The following UBE2E1 variants were observed in gnomAD, a reference collection of about 807,000 sequenced individuals.
UBE2E1 encodes the protein ubiquitin-conjugating enzyme E2 E1.
A neutral mutation model predicts 21.4 loss-of-function variants in UBE2E1; 6 were observed. The ratio of observed to expected loss-of-function variants is 0.28; its 90% CI spans 0.15 to 0.55. The LOEUF (loss-of-function observed/expected upper bound fraction) is 0.55, where lower values mean the gene tolerates loss of function less well. Ranked by LOEUF, UBE2E1 falls within the 20% of genes least tolerant of loss-of-function variation. The pLI is 0.93. For missense variants in UBE2E1, 142 were observed against 236.5 expected (o/e 0.60, Z 2.62); for synonymous variants, 87 against 82.7 (o/e 1.05, Z -0.28).
At chr3:23,865,278 C>T (rs559119920) in intron 3 of UBE2E1, among the ~76,000 whole-genome samples, 2 of 152,268 alleles carry the variant, frequency 1.3e-5, no homozygotes, top group South Asian at 4.1e-4. Flanking sequence ...AGTTCTCTAG[C>T]CCTTTTCTTA....
chr3:23,845,587 C>CTGTGTGTGTGTGTGTGTG (rs372552220), intron 3 of UBE2E1, among the ~76,000 whole-genome samples: 1,597 of 115,182 alleles, frequency 0.014, 29 homozygotes, highest in Admixed American at 0.051. Context: ...CTCTCTCTCT[C>CTGTGTGTGTGTGTGTGTG]TCTGTGTGTG....
At chr3:23,827,301 A>G (rs544025168) in intron 3 of UBE2E1, among the ~76,000 whole-genome samples, 1 of 152,266 alleles carries the variant, frequency 6.6e-6, no homozygotes, top group South Asian at 2.1e-4. Context: ...CATTCACTTT[A>G]TACAGAATAA....
chr3:23,831,372 C>G (rs1266799079), intron 3 of UBE2E1, among the ~76,000 whole-genome samples: 1 of 152,088 alleles, frequency 6.6e-6, no homozygotes, highest in East Asian at 1.9e-4. Flanking sequence ...TACTTTTGGC[C>G]AGTTGTAAAA....
At position 23,836,937 on chromosome 3, in the gene UBE2E1, A is replaced by G. The variant is rs1278925724; in HGVS notation, c.203+25427A>G. On this transcript the variant is annotated intron_variant, in intron 3 of 5. Coordinates refer to ENST00000306627, the MANE Select transcript of UBE2E1 (RefSeq NM_003341.5). The surrounding 1 kb of genome is among the most constrained non-coding windows in gnomAD (Gnocchi z 4.1). ...GTAGTTTATGGTCTATCATGAAAAG[A>G]TGGGCAATTTGGGAAATCTGTGGCT... Among the ~76,000 whole-genome samples, 1 of 152,218 alleles carries G rather than the reference A, an allele frequency of 6.6e-6. No individual in the cohort carries two copies.
At chr3:23,880,855 CAGTT>C (rs1177292372) in intron 3 of UBE2E1, among the ~76,000 whole-genome samples, 1 of 152,154 alleles carries the variant, frequency 6.6e-6, no homozygotes, top group Non-Finnish European at 1.5e-5. Context: ...CAGTCTTTGA[CAGTT>C]GGTTTGTTAA....
chr3:23,845,589 C>CTCTCTCTCTCTCTCTCTCTG lies in UBE2E1; in HGVS notation c.203+34080_203+34081insCTCTCTCTCTCTCTCTCTGT, dbSNP rs1553637998. Among the ~76,000 whole-genome samples, 11 of 121,356 alleles carry CTCTCTCTCTCTCTCTCTCTG rather than the reference C, an allele frequency of 9.1e-5. No homozygotes were observed. In the East Asian group the frequency reaches 1.6e-3, roughly 18 times the overall value. The allele number at this position is 121,356 out of a possible 152,430, so 79.6% of individuals were successfully genotyped here. A position where few individuals can be genotyped will look rare whatever the true frequency, so the allele number is the denominator to read the frequency against. On this transcript the variant is annotated intron_variant, in intron 3 of 5. Coordinates refer to ENST00000306627, the MANE Select transcript of UBE2E1 (RefSeq NM_003341.5). Reference sequence around the variant, plus strand: ...TCTCTCTCTCTCTCTCTCTCTCTCTCTGTGTGTGTGTGTGTGTGTGTGTGT... The same window carrying CTCTCTCTCTCTCTCTCTCTG: ...TCTCTCTCTCTCTCTCTCTCTCTCTCTCTCTCTCTCTCTCTCTCTGTGTGTGTGTGTGTGTGTGTGTGTGT...
intron 3 of UBE2E1, among the ~76,000 whole-genome samples, chr3:23,815,016 G>T (rs114535332): frequency 1.3e-5 from 2 of 152,006 alleles, no homozygotes; most frequent in African/African-American, 4.8e-5. Context: ...TTGAGACAGG[G>T]TCTCATTTTG....
intron 3 of UBE2E1, among the ~76,000 whole-genome samples, chr3:23,838,519 G>A (rs1287318326): frequency 1.9e-4 from 29 of 151,832 alleles, no homozygotes; most frequent in Admixed American, 1.9e-3. Flanking sequence ...TTTTGAGATG[G>A]AGTCTTACCC....
In UBE2E1 at chr3:23,876,877, C is replaced by T. The variant is rs1460435091; in HGVS notation, c.204-10690C>T. Among the ~76,000 whole-genome samples, 3 of 152,056 alleles carry T rather than the reference C, an allele frequency of 2.0e-5. No individual in the cohort carries two copies. The highest frequency in any genetic ancestry group is 7.2e-5 in the African/African-American group (3 of 41,408). ...TGGGTAACCTAGCAAGACCCTGTCT[C>T]TAAAAAAAATTTAAAAATTAGCCAG... On this transcript the variant is annotated intron_variant, in intron 3 of 5. Transcript: ENST00000306627. This position sits in a 1 kb window ranked among gnomAD's most constrained non-coding sequence, Gnocchi z 4.3.
rs1023406013 is a variant in UBE2E1 at position 23,863,561 on chromosome 3, G to A, written c.204-24006G>A. On this transcript the variant is annotated intron_variant, in intron 3 of 5. Coordinates refer to ENST00000306627, the MANE Select transcript of UBE2E1 (RefSeq NM_003341.5). The surrounding 1 kb of genome is among the most constrained non-coding windows in gnomAD (Gnocchi z 4.3). ...TTTTATTTTTTTGAGACGGAGTTTC[G>A]CTCTTGTTGCGCAGGCTGGAGTGCA... Among the ~76,000 whole-genome samples, 8 of 152,130 alleles carry A rather than the reference G, an allele frequency of 5.3e-5. No individual in the cohort carries two copies. The highest frequency in any genetic ancestry group is 1.9e-4 in the East Asian group (1 of 5,180).
chr3:23,884,265 G>A (rs943385398), intron 3 of UBE2E1, among the ~76,000 whole-genome samples: 1 of 152,034 alleles, frequency 6.6e-6, no homozygotes, highest in Non-Finnish European at 1.5e-5. Flanking sequence ...TGGATTTCTG[G>A]TTATATCACA....
intron 3 of UBE2E1, among the ~76,000 whole-genome samples, chr3:23,867,536 T>C (rs1700684789): frequency 6.6e-6 from 1 of 152,210 alleles, no homozygotes; most frequent in Non-Finnish European, 1.5e-5. Context: ...TAGATAACAG[T>C]TGGTATTTCT....
chr3:23,888,094 T>C (rs1343866364), intron 4 of UBE2E1: 2 of 396,470 alleles, frequency 5.0e-6, no homozygotes, highest in Admixed American at 3.0e-5. Flanking sequence ...AGAGTTTGAG[T>C]CCAGTCTGGG....
rs1699331067 is a variant in UBE2E1, at chr3:23,808,931, T to C, written c.152+1510T>C. ...ATTTTTATATTTTGCTAGATATCCC[T>C]GGTGTACATGAATATATTTGGGGGT... On this transcript the variant is annotated intron_variant, in intron 2 of 5. Transcript: ENST00000306627. This position sits in a 1 kb window ranked among gnomAD's most constrained non-coding sequence, Gnocchi z 4.9. The C allele has an allele frequency of 6.6e-6, 1 of 152,236 alleles. No individual in the cohort carries two copies. The highest frequency in any genetic ancestry group is 6.5e-5 in the Admixed American group (1 of 15,284). The allele number at this position is 152,236 out of a possible 1,614,324, so 9.4% of individuals were successfully genotyped here.
chr3:23,828,129 T>A (rs1040727312), intron 3 of UBE2E1, among the ~76,000 whole-genome samples: 4 of 152,198 alleles, frequency 2.6e-5, no homozygotes, highest in Non-Finnish European at 5.9e-5. Context: ...ACCGAGTTTT[T>A]AAAAAATATG....
intron 3 of UBE2E1, among the ~76,000 whole-genome samples, chr3:23,884,618 A>G (rs1395471708): frequency 1.3e-5 from 2 of 152,160 alleles, no homozygotes; most frequent in African/African-American, 4.8e-5. Flanking sequence ...CTAAAGGACC[A>G]GCAGAATTGG....
chr3:23,881,102 A>G (rs541795740), intron 3 of UBE2E1, among the ~76,000 whole-genome samples: 16 of 152,354 alleles, frequency 1.1e-4, no homozygotes, highest in African/African-American at 3.8e-4. Flanking sequence ...CGTTTATTCA[A>G]TGGAGAGTTT....
chr3:23,820,699 C>T (rs1290082168), intron 3 of UBE2E1, among the ~76,000 whole-genome samples: 1 of 152,158 alleles, frequency 6.6e-6, no homozygotes, highest in East Asian at 1.9e-4. Flanking sequence ...GCCACAGGTG[C>T]CACATCTGAC....
Position 23,850,794 on chromosome 3 carries a change from C to T in UBE2E1, c.204-36773C>T, listed in dbSNP as rs917410540. ...GCTCAAGCAGTCCTCCCACCTCAGC[C>T]TCTCCAGTAGCAGGGACTACAGATG... is the stretch of plus-strand genomic sequence containing the variant. On this transcript the variant is annotated intron_variant, in intron 3 of 5. Coordinates refer to ENST00000306627, the MANE Select transcript of UBE2E1 (RefSeq NM_003341.5). Among the ~76,000 whole-genome samples, 3 of 150,398 alleles carry T rather than the reference C, an allele frequency of 2.0e-5. No homozygotes were observed. In the South Asian group the frequency reaches 6.3e-4, roughly 32 times the overall value.
Sources: allele counts gnomAD v4.1 joint callset (sites outside exome capture counted in the v4.1 genomes callset), GRCh38; gene constraint gnomAD v4.1.1; non-coding constraint Gnocchi (gnomAD v3.1); transcripts MANE v1.5; gene names NCBI Gene and HGNC (gene_info 2026-07-23, HGNC 2026-07-21).